The following CAST variants were observed in gnomAD, a reference collection of about 807,000 sequenced individuals.
CAST encodes MIR583 host.
A neutral mutation model predicts 119.6 loss-of-function variants in CAST; 76 were observed. The observed-to-expected ratio is 0.64, with a 90% confidence interval of 0.53 to 0.77. CAST has a LOEUF of 0.77. CAST is among the 30% of genes least tolerant of loss of function. The pLI is 0.00. For synonymous variants in CAST, 319 were observed against 331.6 expected (o/e 0.96, Z 0.41); for missense variants, 953 against 946.5 (o/e 1.01, Z -0.09).
the CAST span, among the ~76,000 whole-genome samples, chr5:96,515,305 T>G: frequency 1.5e-4 from 6 of 39,466 alleles, no homozygotes; most frequent in African/African-American, 6.5e-4. Flanking sequence ...CCACAATGTT[T>G]GATTGTTTGT....
chr5:96,437,972 A>G, the CAST span, among the ~76,000 whole-genome samples: 31 of 152,246 alleles, frequency 2.0e-4, no homozygotes, highest in African/African-American at 7.5e-4. Context: ...GCCCTCTAGT[A>G]CCACACTGAC....
At chr5:96,549,948 G>A (rs149885603) in intron 1 of CAST, among the ~76,000 whole-genome samples, 1 of 152,354 alleles carries the variant, frequency 6.6e-6, no homozygotes, top group African/African-American at 2.4e-5. Context: ...AAGGCCTACT[G>A]CCTCTCTAGA....
chr5:96,638,698 C>G (rs562684366), intron 1 of CAST, among the ~76,000 whole-genome samples: 4 of 152,200 alleles, frequency 2.6e-5, no homozygotes, highest in Non-Finnish European at 5.9e-5. Context: ...CTCAAAGTCC[C>G]TCTCAGCCAA....
intron 1 of CAST, among the ~76,000 whole-genome samples, chr5:96,624,112 A>G (rs942815035): frequency 3.9e-5 from 6 of 152,228 alleles, no homozygotes; most frequent in African/African-American, 1.4e-4. Flanking sequence ...TCTTTTATCC[A>G]TGTGCTACAC....
At chr5:96,182,425 T>C in the CAST span, among the ~76,000 whole-genome samples, 1 of 152,348 alleles carries the variant, frequency 6.6e-6, no homozygotes, top group African/African-American at 2.4e-5. Flanking sequence ...AGTATTCTTC[T>C]CTGAACAGGT....
chr5:96,389,921 T>A, the CAST span, among the ~76,000 whole-genome samples: 1 of 150,392 alleles, frequency 6.6e-6, no homozygotes, highest in Admixed American at 6.6e-5. Flanking sequence ...GGCAAAAGAG[T>A]GAGACTCTAG....
At chr5:96,149,631 CAGA>C in the CAST span, among the ~76,000 whole-genome samples, 2 of 152,116 alleles carry the variant, frequency 1.3e-5, no homozygotes, top group Non-Finnish European at 2.9e-5. Flanking sequence ...TGCAGAGGTC[CAGA>C]TTTATTTCTG....
Position 96,603,157 on chromosome 5 carries a change from G to A in CAST, c.61-72382G>A, listed in dbSNP as rs79376008. 4.2e-3 allele frequency among the ~76,000 whole-genome samples: 634 copies of A among 152,262 alleles called. 9 individuals are homozygous for A. Among genetic ancestry groups the A allele is most frequent in the Admixed American group, 0.03 (459 of 15,298 alleles). On this transcript the variant is annotated intron_variant, in intron 1 of 11. Transcript: ENST00000505143. ...TGGTTTGTCAACCTAAATGAAGAAC[G>A]GAGGATCTCTAAAAGAAAATGATAT... is the stretch of plus-strand genomic sequence containing the variant.
the CAST span, among the ~76,000 whole-genome samples, chr5:96,154,421 C>T: frequency 2.2e-3 from 334 of 152,118 alleles, no homozygotes; most frequent in Non-Finnish European, 2.9e-3. Flanking sequence ...AGGAAAATTG[C>T]TAAGATAGTA....
upstream of CAST, among the ~76,000 whole-genome samples, chr5:96,525,086 C>T (rs1368259740): frequency 6.6e-6 from 1 of 152,224 alleles, no homozygotes; most frequent in Non-Finnish European, 1.5e-5. Context: ...AGGCTGTAAA[C>T]TCCTTGAGGG....
At chr5:96,056,273 T>G in the CAST span, among the ~76,000 whole-genome samples, 16 of 152,172 alleles carry the variant, frequency 1.1e-4, no homozygotes, top group Non-Finnish European at 2.1e-4. Context: ...CAAAAACAAA[T>G]GTATCTTCCA....
chr5:96,442,571 C>A, the CAST span, among the ~76,000 whole-genome samples: 1 of 152,210 alleles, frequency 6.6e-6, no homozygotes, highest in South Asian at 2.1e-4. Context: ...TAATGCCCAA[C>A]GTATTGTAGG....
At chr5:96,161,218 C>T in the CAST span, among the ~76,000 whole-genome samples, 1 of 152,004 alleles carries the variant, frequency 6.6e-6, no homozygotes, top group Non-Finnish European at 1.5e-5. Flanking sequence ...CCTTTGTTTT[C>T]ATCTAAAGAG....
At chr5:96,297,530 G>A in the CAST span, among the ~76,000 whole-genome samples, 1 of 151,996 alleles carries the variant, frequency 6.6e-6, no homozygotes, top group Non-Finnish European at 1.5e-5. Context: ...AACAGCTCTT[G>A]GGATGAGATT....
chr5:96,398,098 T>A, the CAST span, among the ~76,000 whole-genome samples: 3 of 152,190 alleles, frequency 2.0e-5, no homozygotes, highest in African/African-American at 7.2e-5. Context: ...ACTGCAGGTC[T>A]ATCAATTAAA....
At chr5:96,228,022 TG>T in the CAST span, among the ~76,000 whole-genome samples, 1 of 151,878 alleles carries the variant, frequency 6.6e-6, no homozygotes, top group Non-Finnish European at 1.5e-5. Flanking sequence ...TGTGTGTGTG[TG>T]TGTGCACGCA....
chr5:96,162,295 C>G, the CAST span, among the ~76,000 whole-genome samples: 1 of 152,106 alleles, frequency 6.6e-6, no homozygotes, highest in East Asian at 1.9e-4. Flanking sequence ...ATTTCATTAC[C>G]TTGTTGAATA....
At chr5:96,742,583 C>A in intron 15 of CAST, 72 bp from the exon 16 acceptor site, 1 of 974,284 alleles carries the variant, frequency 1.0e-6, no homozygotes, top group Non-Finnish European at 1.6e-6. Flanking sequence ...ATGTATTTTA[C>A]AAAGAAGTAA....
chr5:96,175,066 C>A, the CAST span, among the ~76,000 whole-genome samples: 1 of 152,078 alleles, frequency 6.6e-6, no homozygotes. Context: ...AGAAGAAAAG[C>A]AACTGAAGTT....
Sources: gnomAD v4.1 joint callset for allele counts (sites outside exome capture counted in the v4.1 genomes callset) on GRCh38, gnomAD v4.1.1 for gene constraint, MANE v1.5 for transcripts, NCBI Gene and HGNC (gene_info 2026-07-23, HGNC 2026-07-21) for gene names.